ZFAT: variants seen among roughly 807,000 people sequenced by gnomAD.
ZFAT encodes zinc finger protein ZFAT.
ZFAT carries 64 observed loss-of-function variants against 117.7 expected under a neutral mutation model. The ratio of observed to expected loss-of-function variants is 0.54; its 90% CI spans 0.44 to 0.67. The LOEUF (loss-of-function observed/expected upper bound fraction) is 0.67. Ranked by LOEUF, ZFAT falls within the 30% of genes least tolerant of loss-of-function variation. The probability of loss-of-function intolerance (pLI) is 0.00; values close to 1 mark genes in which losing one functional copy is unlikely to be tolerated. For missense variants in ZFAT, 1,433 were observed against 1,584.5 expected, an observed-to-expected ratio of 0.90 and a Z score of 1.62; for synonymous variants, 679 against 615.0, an observed-to-expected ratio of 1.10 and a Z score of -1.54.
At position 134,608,769 on chromosome 8, in the gene ZFAT, T is replaced by C; in HGVS notation, c.745A>G (p.Ile249Val). 1 of 1,610,918 alleles carries C rather than the reference T, an allele frequency of 6.2e-7. No individual in the cohort carries two copies. Among genetic ancestry groups the C allele is most frequent in the Non-Finnish European group, 8.5e-7 (1 of 1,178,854 alleles). ...GGTTGCTCATAAGGTGTCTGCTGAA[T>C]GGCGTATTCCTGGTAGCCTCTCCGA... ...VPRRGYQEYAIQQTPYEQPMK... is the reference protein window; with the variant it reads ...VPRRGYQEYAVQQTPYEQPMK... The change falls in exon 5 of 16, where the codon ATT becomes GTT. Residue 249 changes from isoleucine to valine, a missense_variant. Ile to Val is a conservative substitution (Grantham distance 29). Coordinates refer to ENST00000377838, the MANE Select transcript of ZFAT (RefSeq NM_020863.4).
intron 3 of ZFAT, among the ~76,000 whole-genome samples, chr8:134,619,309 C>G (rs1055903250): frequency 1.3e-5 from 2 of 151,928 alleles, no homozygotes; most frequent in South Asian, 4.2e-4. Context: ...ATCAAAATTT[C>G]TAATTCGAAG....
At chr8:134,541,958 TG>T (rs1822289976) in intron 11 of ZFAT, among the ~76,000 whole-genome samples, 1 of 152,256 alleles carries the variant, frequency 6.6e-6, no homozygotes, top group East Asian at 1.9e-4. Flanking sequence ...CACCTTCTAC[TG>T]GAGGTCCTGA....
At chr8:134,682,778 C>T (rs4535703) in intron 1 of ZFAT, among the ~76,000 whole-genome samples, 58,034 of 152,088 alleles carry the variant, frequency 0.38, 11,150 homozygotes, top group African/African-American at 0.41. Flanking sequence ...CTCCCAACCT[C>T]GGCTCCCTCC....
intron 3 of ZFAT, among the ~76,000 whole-genome samples, chr8:134,612,786 G>A (rs532428165): frequency 1.3e-5 from 2 of 152,264 alleles, no homozygotes; most frequent in South Asian, 2.1e-4. Context: ...AAGGCTAAAC[G>A]GAAAAAGTCA....
chr8:134,800,250 A>ATTTCAATAAAT, the ZFAT span, among the ~76,000 whole-genome samples: 1 of 151,688 alleles, frequency 6.6e-6, no homozygotes, highest in Non-Finnish European at 1.5e-5. Flanking sequence ...ATTTAAAGGA[A>ATTTCAATAAAT]TTTTAATAAA....
chr8:134,728,442 G>A, the ZFAT span, among the ~76,000 whole-genome samples: 22 of 152,290 alleles, frequency 1.4e-4, no homozygotes, highest in African/African-American at 5.1e-4. Context: ...AAAGGTTCAT[G>A]TGAAGCAGAT....
chr8:134,519,486 G>A (rs143893789), intron 13 of ZFAT, among the ~76,000 whole-genome samples: 12 of 152,260 alleles, frequency 7.9e-5, no homozygotes, highest in Admixed American at 3.3e-4. Context: ...ACACATATGT[G>A]TATACACATT....
intron 1 of ZFAT, among the ~76,000 whole-genome samples, chr8:134,693,338 A>G (rs2131335803): frequency 6.6e-6 from 1 of 152,312 alleles, no homozygotes; most frequent in East Asian, 1.9e-4. Context: ...CTTTAACACA[A>G]CTGGCCAAAT....
chr8:134,831,838 C>T, the ZFAT span, among the ~76,000 whole-genome samples: 1 of 151,886 alleles, frequency 6.6e-6, no homozygotes, highest in African/African-American at 2.4e-5. Flanking sequence ...CAAAAAAGCA[C>T]CCCCCGACAC....
At chr8:134,627,156 C>T (rs1312344765) in intron 3 of ZFAT, among the ~76,000 whole-genome samples, 1 of 152,156 alleles carries the variant, frequency 6.6e-6, no homozygotes, top group East Asian at 1.9e-4. Flanking sequence ...GGCCCACCGG[C>T]AGGAAGCAGC....
intron 1 of ZFAT, among the ~76,000 whole-genome samples, chr8:134,660,304 T>A (rs747750977): frequency 6.6e-6 from 1 of 152,236 alleles, no homozygotes; most frequent in African/African-American, 2.4e-5. Context: ...CTACAGCCCA[T>A]GAGCTGAGTT....
chr8:134,658,574 C>T (rs1362241483), intron 1 of ZFAT, among the ~76,000 whole-genome samples: 1 of 152,028 alleles, frequency 6.6e-6, no homozygotes, highest in Admixed American at 6.6e-5. Flanking sequence ...AAAAAATTTA[C>T]CAATAGTTCA....
At chr8:134,490,807 A>C (rs1414549356) in intron 15 of ZFAT, among the ~76,000 whole-genome samples, 3 of 152,296 alleles carry the variant, frequency 2.0e-5, no homozygotes, top group African/African-American at 7.2e-5. Context: ...GAAGTCTGAG[A>C]GGCAAGTCCT....
chr8:134,648,078 T>TA (rs139064883), intron 2 of ZFAT, among the ~76,000 whole-genome samples: 2,253 of 152,150 alleles, frequency 0.015, 64 homozygotes, highest in African/African-American at 0.052. Context: ...TGTGAGGTAA[T>TA]AGATGTGTTA....
At chr8:134,585,360 T>C (rs1825997589) in intron 9 of ZFAT, among the ~76,000 whole-genome samples, 1 of 152,188 alleles carries the variant, frequency 6.6e-6, no homozygotes, top group South Asian at 2.1e-4. Context: ...AGAGGGAACA[T>C]GGTGCATCCC....
chr8:134,747,224 A>T, the ZFAT span, among the ~76,000 whole-genome samples: 1 of 151,616 alleles, frequency 6.6e-6, no homozygotes, highest in African/African-American at 2.4e-5. Context: ...AAGTAGCTAG[A>T]ACCACAGGCA....
chr8:134,739,181 C>T, the ZFAT span, among the ~76,000 whole-genome samples: 1 of 152,198 alleles, frequency 6.6e-6, no homozygotes. Flanking sequence ...TTGTAAATAT[C>T]TATTAGAAGA....
chr8:134,711,411 G>T (rs1813992073), intron 1 of ZFAT, among the ~76,000 whole-genome samples: 1 of 152,164 alleles, frequency 6.6e-6, no homozygotes, highest in Non-Finnish European at 1.5e-5. Flanking sequence ...ACCTGTATTT[G>T]GAGAGCAAGT....
chr8:134,685,322 C>G (rs1168321345), intron 1 of ZFAT, among the ~76,000 whole-genome samples: 1 of 152,198 alleles, frequency 6.6e-6, no homozygotes, highest in African/African-American at 2.4e-5. Flanking sequence ...GTACCTAGCC[C>G]TGCTACAGGA....
Sources: gnomAD v4.1 joint callset for allele counts (sites outside exome capture counted in the v4.1 genomes callset) on GRCh38, gnomAD v4.1.1 for gene constraint, MANE v1.5 for transcripts, NCBI Gene and HGNC (gene_info 2026-07-23, HGNC 2026-07-21) for gene names.